SH3GL3: variants seen among roughly 807,000 people sequenced by gnomAD.
The protein encoded by SH3GL3 is SH3 domain containing GRB2 like 3, endophilin A3.
SH3GL3 carries 33 observed loss-of-function variants against 47.7 expected under a neutral mutation model. The observed-to-expected ratio is 0.69, with a 90% CI of 0.52 to 0.92. The LOEUF is 0.92. Ranked by LOEUF, SH3GL3 falls within the 40% of genes least tolerant of loss-of-function variation. SH3GL3 has a pLI of 0.00. For synonymous variants in SH3GL3, 155 were observed against 148.8 expected, an observed-to-expected ratio of 1.04 and a Z score of -0.30; for missense variants, 363 against 417.8, an observed-to-expected ratio of 0.87 and a Z score of 1.14.
chr15:83,496,532 GT>G (rs1390734655), intron 1 of SH3GL3, among the ~76,000 whole-genome samples: 2 of 152,282 alleles, frequency 1.3e-5, no homozygotes, highest in Admixed American at 1.3e-4. Context: ...CGGTTTATAA[GT>G]TGGCAGATCC....
At chr15:83,624,770 A>G in the SH3GL3 span, among the ~76,000 whole-genome samples, 1 of 152,192 alleles carries the variant, frequency 6.6e-6, no homozygotes, top group Non-Finnish European at 1.5e-5. Context: ...TCCCATCCCT[A>G]CAAAAAAGTT....
At chr15:83,632,584 T>C in the SH3GL3 span, among the ~76,000 whole-genome samples, 1 of 152,198 alleles carries the variant, frequency 6.6e-6, no homozygotes, top group Admixed American at 6.5e-5. Flanking sequence ...ACAATCATGG[T>C]GGAAGGGGAA....
At chr15:83,477,551 G>A (rs757726011) in intron 1 of SH3GL3, among the ~76,000 whole-genome samples, 1 of 152,146 alleles carries the variant, frequency 6.6e-6, no homozygotes, top group Non-Finnish European at 1.5e-5. Context: ...TAAAAGGACT[G>A]TGGCCAGTTT....
chr15:83,558,416 T>G (rs952037991), intron 1 of SH3GL3, among the ~76,000 whole-genome samples: 6 of 152,208 alleles, frequency 3.9e-5, no homozygotes, highest in Non-Finnish European at 7.3e-5. Context: ...TGCTGTTTTT[T>G]TTTCTTAGCA....
At chr15:83,603,569 G>C (rs1487476853) in intron 8 of SH3GL3, among the ~76,000 whole-genome samples, 1 of 152,198 alleles carries the variant, frequency 6.6e-6, no homozygotes, top group Admixed American at 6.5e-5. Context: ...ATTTGGAAGA[G>C]CAATCTGCTT....
At position 83,490,711 on chromosome 15, in the gene SH3GL3, G is replaced by A; in HGVS notation, c.45+43133G>A. Reference sequence around the variant, plus strand: ...GGAAAACAGACCAAGCTCTCACAAGGGCAATATCATCCTTTGGAATTTGTT... The same window carrying A: ...GGAAAACAGACCAAGCTCTCACAAGAGCAATATCATCCTTTGGAATTTGTT... On this transcript the variant is annotated intron_variant, in intron 1 of 8. Transcript: ENST00000427482. 3 of 1,498,404 alleles carry A rather than the reference G, an allele frequency of 2.0e-6. No individual in the cohort carries two copies. The South Asian group carries it at 3.8e-5, about 19-fold the overall frequency. The allele number at this position is 1,498,404 out of a possible 1,614,324, so 92.8% of individuals were successfully genotyped here.
chr15:83,555,605 G>A (rs945752530), intron 1 of SH3GL3, among the ~76,000 whole-genome samples: 1 of 152,136 alleles, frequency 6.6e-6, no homozygotes, highest in Admixed American at 6.5e-5. Context: ...GATGTGACTT[G>A]ACTGATTCTT....
intron 6 of SH3GL3, among the ~76,000 whole-genome samples, chr15:83,582,398 C>A (rs1596305971): frequency 1.3e-5 from 2 of 151,958 alleles, no homozygotes; most frequent in East Asian, 3.9e-4. Flanking sequence ...TTCCATTGGT[C>A]TAGAGTAGCA....
intron 1 of SH3GL3, among the ~76,000 whole-genome samples, chr15:83,456,771 G>T (rs989407433): frequency 6.6e-6 from 1 of 151,668 alleles, no homozygotes; most frequent in Non-Finnish European, 1.5e-5. Flanking sequence ...CCCGTCTTCT[G>T]CGTCGCTCAC....
intron 2 of SH3GL3, among the ~76,000 whole-genome samples, chr15:83,564,670 T>C (rs2045451754): frequency 6.6e-6 from 1 of 152,170 alleles, no homozygotes; most frequent in African/African-American, 2.4e-5. Context: ...TATTATAATA[T>C]AATACTAATG....
intron 8 of SH3GL3, among the ~76,000 whole-genome samples, chr15:83,615,342 TCTCA>T (rs2059726816): frequency 6.6e-6 from 1 of 152,098 alleles, no homozygotes; most frequent in South Asian, 2.1e-4. Context: ...TGAGATGGAG[TCTCA>T]CTCTGTCACC....
chr15:83,533,902 G>A (rs2043794091), intron 1 of SH3GL3, among the ~76,000 whole-genome samples: 1 of 152,178 alleles, frequency 6.6e-6, no homozygotes. Context: ...CTTGACTCAT[G>A]CAATGTACGT....
chr15:83,548,124 TACA>T lies in SH3GL3; in HGVS notation c.46-11124_46-11122del, dbSNP rs889447272. ...CACTTCCAAGCAATAGAATAGACCATACAACAAGAGTCTCACTTAACTCCCTTA... is the reference window on the plus strand; with the variant it reads ...CACTTCCAAGCAATAGAATAGACCATACAAGAGTCTCACTTAACTCCCTTA... On this transcript the variant is annotated intron_variant, in intron 1 of 8. Transcript: ENST00000427482. Among the ~76,000 whole-genome samples, 111 of 151,872 alleles carry T rather than the reference TACA, an allele frequency of 7.3e-4. 1 individual carries two copies. The highest frequency in any genetic ancestry group is 2.6e-3 in the African/African-American group (107 of 41,550).
chr15:83,572,587 T>A lies in SH3GL3; in HGVS notation c.354T>A (p.Gly118=), dbSNP rs753592405. 4 of 1,613,058 alleles carry A rather than the reference T, an allele frequency of 2.5e-6. No homozygotes were observed. In the Admixed American group the frequency reaches 6.7e-5, roughly 27 times the overall value. Residue 118 remains glycine (G), a synonymous_variant, in exon 5 of 9, where the codon GGT becomes GGA. Coordinates refer to ENST00000427482, the MANE Select transcript of SH3GL3 (RefSeq NM_003027.5). ...STFGNALIEV[G]ESMKLMAEVK... ...AAGGCAATGCATTGATAGAAGTTGG[T>A]GAATCCATGAAGCTAATGGCTGAGG...
At chr15:83,489,005 A>C (rs1421310302) in intron 1 of SH3GL3, among the ~76,000 whole-genome samples, 2 of 152,216 alleles carry the variant, frequency 1.3e-5, no homozygotes, top group African/African-American at 4.8e-5. Context: ...GATGCTGTGC[A>C]TCAGGGTTGA....
intron 1 of SH3GL3, among the ~76,000 whole-genome samples, chr15:83,554,732 C>T (rs2044855329): frequency 6.6e-6 from 1 of 152,160 alleles, no homozygotes; most frequent in Non-Finnish European, 1.5e-5. Flanking sequence ...CTTCATTGTC[C>T]CTGGCATCTG....
rs2041775466 is a variant in SH3GL3, at chr15:83,489,666, T to G, written c.45+42088T>G. Among the ~76,000 whole-genome samples, 4 of 152,298 alleles carry G rather than the reference T, an allele frequency of 2.6e-5. No homozygotes were observed. In the South Asian group the frequency reaches 8.3e-4, roughly 32 times the overall value. Reference sequence around the variant, plus strand: ...CTTCTGCTTTGTGATCTTGGGAAAGTCACTAACCCCTCTGGGCCTCTATCT... The same window carrying G: ...CTTCTGCTTTGTGATCTTGGGAAAGGCACTAACCCCTCTGGGCCTCTATCT... On this transcript the variant is annotated intron_variant, in intron 1 of 8. Transcript: ENST00000427482.
At chr15:83,541,364 C>G (rs1156839187) in intron 1 of SH3GL3, among the ~76,000 whole-genome samples, 2 of 98,546 alleles carry the variant, frequency 2.0e-5, no homozygotes, top group African/African-American at 8.2e-5. Context: ...GACGGAGTCT[C>G]GCTCTGTCGC....
chr15:83,603,397 C>G (rs558631922), intron 8 of SH3GL3, among the ~76,000 whole-genome samples: 2 of 152,320 alleles, frequency 1.3e-5, no homozygotes, highest in African/African-American at 2.4e-5. Flanking sequence ...TTAAGACTTT[C>G]ATTTCTTTCC....
Sources: gnomAD v4.1 joint callset for allele counts (sites outside exome capture counted in the v4.1 genomes callset) on GRCh38, gnomAD v4.1.1 for gene constraint, MANE v1.5 for transcripts, NCBI Gene and HGNC (gene_info 2026-07-23, HGNC 2026-07-21) for gene names.